The following FBXO41 variants were observed in gnomAD, a reference collection of about 807,000 sequenced individuals.
FBXO41 encodes the protein F-box protein 41.
FBXO41 carries 33 observed loss-of-function variants against 81.6 expected under a neutral mutation model. The ratio of observed to expected loss-of-function variants is 0.40; its 90% CI spans 0.31 to 0.54. The LOEUF (loss-of-function observed/expected upper bound fraction) is 0.54, where lower values mean the gene tolerates loss of function less well. Among genes scored for constraint, FBXO41 ranks in the 20% least tolerant of loss-of-function variants. The pLI, the probability that FBXO41 is intolerant of heterozygous loss-of-function variation, is 0.39. For missense variants in FBXO41, 1,107 were observed against 1,236.0 expected, an observed-to-expected ratio of 0.90 and a Z score of 1.56; for synonymous variants, 576 against 552.7, an observed-to-expected ratio of 1.04 and a Z score of -0.59.
At chr2:73,261,631 GATCTTA>G (rs1361885511) in intron 9 of FBXO41, among the ~76,000 whole-genome samples, 1 of 152,188 alleles carries the variant, frequency 6.6e-6, no homozygotes, top group African/African-American at 2.4e-5. Flanking sequence ...TTAACAGTCT[GATCTTA>G]ATCCCTTTCT....
rs367658368 is a variant in FBXO41 at position 73,265,230 on chromosome 2, G to A, written c.1564+52C>T. 1.6e-4 allele frequency: 232 copies of A among 1,493,292 alleles called. 3 individuals carry two copies. The South Asian group carries it at 2.4e-3, about 15-fold the overall frequency. 92.5% of individuals were successfully genotyped at this position (1,493,292 alleles called of 1,614,324 possible). A position where few individuals can be genotyped will look rare whatever the true frequency, so the allele number is the denominator to read the frequency against. On this transcript the variant is annotated intron_variant, in intron 5 of 12. Transcript: ENST00000520530. ...AGGGGAGGGGGGTGCAGGAGCCCAGGAGATTCACTGCCTCAGACCTGTGTC... is the reference window on the plus strand; with the variant it reads ...AGGGGAGGGGGGTGCAGGAGCCCAGAAGATTCACTGCCTCAGACCTGTGTC...
Position 73,260,026 on chromosome 2 carries a change from A to G in FBXO41, c.2449+363T>C, listed in dbSNP as rs1268723221. On this transcript the variant is annotated intron_variant, in intron 11 of 12. Coordinates refer to ENST00000520530, the MANE Select transcript of FBXO41 (RefSeq NM_001371389.2). The surrounding 1 kb of genome is among the most constrained non-coding windows in gnomAD (Gnocchi z 5.0). ...TTTGAGAAAGGTGTGGAAGCCAAGG[A>G]GGTATGATCTGGAGTCCAGGGAGAG... Among the ~76,000 whole-genome samples, 1 of 152,058 alleles carries G rather than the reference A, an allele frequency of 6.6e-6. No homozygotes were observed. Among genetic ancestry groups the G allele is most frequent in the Non-Finnish European group, 1.5e-5 (1 of 68,016 alleles).
intron 1 of FBXO41, among the ~76,000 whole-genome samples, chr2:73,274,518 G>A (rs943625427): frequency 6.6e-6 from 1 of 152,096 alleles, no homozygotes; most frequent in Non-Finnish European, 1.5e-5. Flanking sequence ...ATCGGATTTT[G>A]TTATTATGCT....
In FBXO41 at chr2:73,270,318, A is replaced by G. The variant is rs185938437; in HGVS notation, c.-138-550T>C. ...TTATGTGATGCGGAGAATGTTCTCT[A>G]TCTGCTTTGAGTGGTGGTTATACAG... On this transcript the variant is annotated intron_variant, in intron 1 of 12. Transcript: ENST00000520530. Among the ~76,000 whole-genome samples the G allele has an allele frequency of 2.7e-3, 416 of 152,198 alleles. 5 individuals are homozygous for G. Among genetic ancestry groups the G allele is most frequent in the African/African-American group, 9.6e-3 (399 of 41,446 alleles).
At chr2:73,282,679 C>T (rs753576202) in intron 1 of FBXO41, among the ~76,000 whole-genome samples, 4 of 152,118 alleles carry the variant, frequency 2.6e-5, no homozygotes, top group East Asian at 1.9e-4. Context: ...CTCCAGCCTT[C>T]GTGACAGAGC....
chr2:73,266,897 C>A lies in FBXO41; in HGVS notation c.906-215G>T. 1.6e-6 allele frequency: 1 copy of A among 620,758 alleles called. No homozygotes were observed. Among genetic ancestry groups the A allele is most frequent in the Non-Finnish European group, 2.5e-6 (1 of 403,504 alleles). 38.5% of individuals were successfully genotyped at this position (620,758 alleles called of 1,614,324 possible). On this transcript the variant is annotated intron_variant, in intron 2 of 12. Coordinates refer to ENST00000520530, the MANE Select transcript of FBXO41 (RefSeq NM_001371389.2). This position sits in a 1 kb window ranked among gnomAD's most constrained non-coding sequence, Gnocchi z 5.3. ...TGCACTCCGAGCCACACACTCACAC[C>A]CCACCCACCTGGCCCCAGACCCTGC...
In FBXO41 at chr2:73,266,409, G is replaced by T. The variant is rs766986559; in HGVS notation, c.1131+48C>A. ...CCAGCCATGTGAAAGGTGAGGTTGT[G>T]GGGGGCCAGGTGTGCAGGTAGAGGA... On this transcript the variant is annotated intron_variant, in intron 3 of 12. Coordinates refer to ENST00000520530, the MANE Select transcript of FBXO41 (RefSeq NM_001371389.2). The surrounding 1 kb of genome is among the most constrained non-coding windows in gnomAD (Gnocchi z 5.3). 10 of 1,440,982 alleles carry T rather than the reference G, an allele frequency of 6.9e-6. 1 individual carries two copies. Among genetic ancestry groups the T allele is most frequent in the Admixed American group, 5.5e-5 (2 of 36,626 alleles). The allele number at this position is 1,440,982 out of a possible 1,614,324, so 89.3% of individuals were successfully genotyped here. A position where few individuals can be genotyped will look rare whatever the true frequency, so the allele number is the denominator to read the frequency against.
At position 73,269,679 on chromosome 2, in the gene FBXO41, G is replaced by T. The variant is rs1344730116; in HGVS notation, c.-49C>A. The T allele has an allele frequency of 4.4e-6, 5 of 1,131,684 alleles. No homozygotes were observed. The African/African-American group carries it at 6.6e-5, about 15-fold the overall frequency. 70.1% of individuals were successfully genotyped at this position (1,131,684 alleles called of 1,614,324 possible). A position where few individuals can be genotyped will look rare whatever the true frequency, so the allele number is the denominator to read the frequency against. On this transcript the variant is annotated 5_prime_UTR_variant, in exon 2 of 13. Coordinates refer to ENST00000520530, the MANE Select transcript of FBXO41 (RefSeq NM_001371389.2). This position sits in a 1 kb window ranked among gnomAD's most constrained non-coding sequence, Gnocchi z 7.0. ...CGGGCTCCACCGCGGCCGCCCCGCC[G>T]GTCAGCCGGGCGCGCTCATGGGGGA... is the stretch of plus-strand genomic sequence containing the variant.
At position 73,266,774 on chromosome 2, in the gene FBXO41, G is replaced by T; in HGVS notation, c.906-92C>A. On this transcript the variant is annotated intron_variant, in intron 2 of 12. Coordinates refer to ENST00000520530, the MANE Select transcript of FBXO41 (RefSeq NM_001371389.2). This position sits in a 1 kb window ranked among gnomAD's most constrained non-coding sequence, Gnocchi z 5.3. ...GCCTGGCCAGTGCGGGGAGACACTGGCACAGCTGCCTGCGGTGTCTGCTTA... is the reference window on the plus strand; with the variant it reads ...GCCTGGCCAGTGCGGGGAGACACTGTCACAGCTGCCTGCGGTGTCTGCTTA... The T allele has an allele frequency of 7.0e-7, 1 of 1,438,742 alleles. No individual in the cohort carries two copies. The allele number at this position is 1,438,742 out of a possible 1,614,324, so 89.1% of individuals were successfully genotyped here.
chr2:73,265,466 T>C lies in FBXO41; in HGVS notation c.1380A>G (p.Ser460=), dbSNP rs1172797634. 1.9e-6 allele frequency: 3 copies of C among 1,604,776 alleles called. No individual in the cohort carries two copies. The highest frequency in any genetic ancestry group is 2.2e-5 in the East Asian group (1 of 44,802). ...TCTGGATGGCCTGGCGCCGCAGGCC[T>C]GAGCTGCGAGGGGGCTGGGACCGCT... ...GSERSQPPRS[S]GLRRQAIQNW... is the part of the protein sequence containing the mutation. The change falls in exon 5 of 13, where the codon TCA becomes TCG. Residue 460 remains serine, a synonymous_variant. Coordinates refer to ENST00000520530, the MANE Select transcript of FBXO41 (RefSeq NM_001371389.2).
At chr2:73,262,289 G>A (rs1209658912) in intron 9 of FBXO41, among the ~76,000 whole-genome samples, 3 of 152,130 alleles carry the variant, frequency 2.0e-5, no homozygotes, top group Non-Finnish European at 4.4e-5. Flanking sequence ...AGGGCAACAT[G>A]CAGTGGGGAT....
chr2:73,258,915 C>A lies in FBXO41; in HGVS notation c.*67G>T, dbSNP rs1687909346. The A allele has an allele frequency of 6.8e-6, 10 of 1,472,064 alleles. No individual in the cohort carries two copies. The highest frequency in any genetic ancestry group is 8.2e-6 in the Non-Finnish European group (9 of 1,099,716). The allele number at this position is 1,472,064 out of a possible 1,614,324, so 91.2% of individuals were successfully genotyped here. A position where few individuals can be genotyped will look rare whatever the true frequency, so the allele number is the denominator to read the frequency against. ...CCAAAGGTCTAGTCCAAACCAGGGT[C>A]CCTCTGAGGTCCAAAGAGAGTGCCC... On this transcript the variant is annotated 3_prime_UTR_variant, in exon 13 of 13. Coordinates refer to ENST00000520530, the MANE Select transcript of FBXO41 (RefSeq NM_001371389.2).
chr2:73,264,484 C>T lies in FBXO41; in HGVS notation c.1600G>A (p.Ala534Thr), dbSNP rs760091020. The part of the protein sequence containing the change: ...PEGGSGRGRR[A>T]ERVSPSRSNE... ...GAGCGTGAGGGGCTGACCCTCTCTG[C>T]TCGCCGACCCCGCCCACTGCCTCCC... The change falls in exon 6 of 13, where the codon GCA (alanine) becomes ACA (threonine). Residue 534 changes from alanine (A) to threonine (T), a missense_variant. Physicochemically the swap from Ala to Thr is moderately conservative, Grantham distance 58 (BLOSUM62 0). Coordinates refer to ENST00000520530, the MANE Select transcript of FBXO41 (RefSeq NM_001371389.2). 1.2e-6 allele frequency: 2 copies of T among 1,613,808 alleles called. No homozygotes were observed. Among genetic ancestry groups the T allele is most frequent in the South Asian group, 1.1e-5 (1 of 91,082 alleles).
chr2:73,282,816 CT>C (rs1465088060), intron 1 of FBXO41, among the ~76,000 whole-genome samples: 1 of 152,216 alleles, frequency 6.6e-6, no homozygotes, highest in Non-Finnish European at 1.5e-5. Flanking sequence ...GTCTCTTTCT[CT>C]GTTAAATTCA....
At chr2:73,278,723 T>C (rs1688761478) in intron 1 of FBXO41, among the ~76,000 whole-genome samples, 1 of 152,178 alleles carries the variant, frequency 6.6e-6, no homozygotes, top group Non-Finnish European at 1.5e-5. Context: ...GAGCAAAATA[T>C]AATTGCCAGG....
At position 73,269,331 on chromosome 2, in the gene FBXO41, G is replaced by A. The variant is rs912800062; in HGVS notation, c.300C>T (p.Pro100=). 18 of 1,523,486 alleles carry A rather than the reference G, an allele frequency of 1.2e-5. No individual in the cohort carries two copies. Among genetic ancestry groups the A allele is most frequent in the Non-Finnish European group, 1.5e-5 (17 of 1,136,352 alleles). 94.4% of individuals were successfully genotyped at this position (1,523,486 alleles called of 1,614,324 possible). A position where few individuals can be genotyped will look rare whatever the true frequency, so the allele number is the denominator to read the frequency against. ...QGKEQAAGPS[P]AAPHLLHHHH... ...GGTGGTGCAGCAGGTGCGGCGCCGC[G>A]GGCGACGGCCCGGCCGCCTGCTCCT... Residue 100 remains proline, a synonymous_variant, in exon 2 of 13, where the codon CCC becomes CCT. Transcript: ENST00000520530. The surrounding 1 kb of genome is among the most constrained non-coding windows in gnomAD (Gnocchi z 7.0).
chr2:73,264,426 A>G lies in FBXO41; in HGVS notation c.1658T>C (p.Met553Thr). 6.2e-7 allele frequency: 1 copy of G among 1,613,976 alleles called. No homozygotes were observed. The highest frequency in any genetic ancestry group is 8.5e-7 in the Non-Finnish European group (1 of 1,179,896). Residue 553 changes from methionine to threonine, a missense_variant, in exon 6 of 13, where the codon ATG becomes ACG. Met to Thr is a moderately conservative substitution (Grantham distance 81, BLOSUM62 -1). This residue lies in a region of FBXO41 where 336 missense variants were observed against 446.7 expected (regional missense o/e 0.75). Coordinates refer to ENST00000520530, the MANE Select transcript of FBXO41 (RefSeq NM_001371389.2). ...NEVISPEILK[M>T]RAALFCIFTY... ...GAAGATGCAGAAGAGGGCAGCTCGC[A>G]TCTTCAGGATCTCTGGGCTGATGAC...
chr2:73,269,578 C>T lies in FBXO41; in HGVS notation c.53G>A (p.Arg18His). Residue 18 changes from arginine (R) to histidine (H), a missense_variant, in exon 2 of 13, where the codon CGC becomes CAC. Physicochemically the swap from Arg to His is conservative, Grantham distance 29. Coordinates refer to ENST00000520530, the MANE Select transcript of FBXO41 (RefSeq NM_001371389.2). The surrounding 1 kb of genome is among the most constrained non-coding windows in gnomAD (Gnocchi z 7.0). ...GCGCAGCGACGACAGGCTCCGGAAG[C>T]GCTTGTGCTCCCCGCAGCGGGGGCA... Reference protein sequence around the residue: ...YRCPRCGEHKRFRSLSSLRAH... With the variant: ...YRCPRCGEHKHFRSLSSLRAH... 1.5e-6 allele frequency: 2 copies of T among 1,334,960 alleles called. No individual in the cohort carries two copies. Among genetic ancestry groups the T allele is most frequent in the South Asian group, 1.6e-5 (1 of 63,260 alleles). 82.7% of individuals were successfully genotyped at this position (1,334,960 alleles called of 1,614,324 possible). A position where few individuals can be genotyped will look rare whatever the true frequency, so the allele number is the denominator to read the frequency against.
Position 73,266,667 on chromosome 2 carries a change from G to T in FBXO41, c.921C>A (p.Ile307=), listed in dbSNP as rs763527163. 2 of 1,591,876 alleles carry T rather than the reference G, an allele frequency of 1.3e-6. No homozygotes were observed. The highest frequency in any genetic ancestry group is 1.7e-5 in the Admixed American group (1 of 58,458). The part of the protein sequence containing the change: ...LSRKQQEVVQ[I]DQFLKETAAR... ...CCGCCGTCTCCTTCAGGAACTGGTC[G>T]ATCTGCACCACCTCCCTGGGCCCAG... is the stretch of plus-strand genomic sequence containing the variant. Residue 307 remains isoleucine, a synonymous_variant, in exon 3 of 13, where the codon ATC becomes ATA. Transcript: ENST00000520530. The surrounding 1 kb of genome is among the most constrained non-coding windows in gnomAD (Gnocchi z 5.3).
Sources: gnomAD v4.1 joint callset for allele counts (sites outside exome capture counted in the v4.1 genomes callset) on GRCh38, gnomAD v4.1.1 for gene constraint, gnomAD v4.1.1 regional missense constraint, Gnocchi (gnomAD v3.1) non-coding constraint, MANE v1.5 for transcripts, NCBI Gene and HGNC (gene_info 2026-07-23, HGNC 2026-07-21) for gene names.